Variants in RNMT observed in about 807,000 individuals in gnomAD.
RNMT encodes the protein RNA guanine-7 methyltransferase.
RNMT carries 27 observed loss-of-function variants against 56.0 expected under a neutral mutation model. The observed-to-expected ratio is 0.48, with a 90% CI of 0.36 to 0.67. The LOEUF (loss-of-function observed/expected upper bound fraction) is 0.67. RNMT is among the 30% of genes least tolerant of loss of function. RNMT has a pLI of 0.00. For missense variants in RNMT, 519 were observed against 552.1 expected, an observed-to-expected ratio of 0.94 and a Z score of 0.60; for synonymous variants, 184 against 176.2, an observed-to-expected ratio of 1.04 and a Z score of -0.35.
Position 13,740,296 on chromosome 18 carries a change from T to A in RNMT, c.792+17T>A, listed in dbSNP as rs780333628. 30 of 1,256,920 alleles carry A rather than the reference T, an allele frequency of 2.4e-5. 1 individual carries two copies. Among genetic ancestry groups the A allele is most frequent in the Non-Finnish European group, 3.4e-5 (30 of 875,010 alleles). The allele number at this position is 1,256,920 out of a possible 1,614,324, so 77.9% of individuals were successfully genotyped here. On this transcript the variant is annotated intron_variant, in intron 6 of 11. Coordinates refer to ENST00000383314, the MANE Select transcript of RNMT (RefSeq NM_003799.3). ...AGCTCAAAGGTACAGTTTCTTTCTT[T>A]GGTCAATTTATTTTTTACATTTTTA...
chr18:13,744,317 G>A (rs1286755395), intron 8 of RNMT, among the ~76,000 whole-genome samples: 2 of 151,700 alleles, frequency 1.3e-5, no homozygotes, highest in African/African-American at 4.8e-5. Flanking sequence ...ATGCCTTTTT[G>A]CCATTTCATT....
At chr18:13,746,481 T>C (rs1158820460) in intron 9 of RNMT, 144 bp downstream of exon 9, 1 of 661,324 alleles carries the variant, frequency 1.5e-6, no homozygotes, top group Admixed American at 2.8e-5. Flanking sequence ...ATACAGAAAC[T>C]GCATGGTGAG....
At chr18:13,741,806 C>A in intron 7 of RNMT, 115 bp downstream of exon 7, 1 of 624,006 alleles carries the variant, frequency 1.6e-6, no homozygotes, top group South Asian at 3.1e-5. Context: ...GTGTTGAACA[C>A]TTTCATAAGA....
At chr18:13,750,781 A>G (rs1358828119) in intron 9 of RNMT, among the ~76,000 whole-genome samples, 1 of 151,932 alleles carries the variant, frequency 6.6e-6, no homozygotes, top group African/African-American at 2.4e-5. Flanking sequence ...AGCCTGGGAG[A>G]CAGAGCAAGA....
At chr18:13,745,706 GTACTC>G (rs10592900) in intron 8 of RNMT, among the ~76,000 whole-genome samples, 38,076 of 150,994 alleles carry the variant, frequency 0.25, 5,491 homozygotes, top group Non-Finnish European at 0.34. Flanking sequence ...GCTCTGGACT[GTACTC>G]TACAGAACCT....
At chr18:13,733,678 C>T (rs767301401) in intron 3 of RNMT, among the ~76,000 whole-genome samples, 8 of 152,174 alleles carry the variant, frequency 5.3e-5, no homozygotes, top group Admixed American at 4.6e-4. Flanking sequence ...TCACCCAGGC[C>T]TAATCTCTTT....
rs1285805812 is a variant in RNMT, at chr18:13,762,133, C to T, written c.*2154C>T. Reference sequence around the variant, plus strand: ...CAAGCTCAGTGAAGTGGGGCACTCCCAGACCTGCCATGCAGTTTATCCTCT... The same window carrying T: ...CAAGCTCAGTGAAGTGGGGCACTCCTAGACCTGCCATGCAGTTTATCCTCT... On this transcript the variant is annotated 3_prime_UTR_variant, in exon 12 of 12. Transcript: ENST00000383314. 9.1e-6 allele frequency: 14 copies of T among 1,535,438 alleles called. No homozygotes were observed. The highest frequency in any genetic ancestry group is 1.1e-5 in the Non-Finnish European group (13 of 1,146,636).
intron 11 of RNMT, among the ~76,000 whole-genome samples, chr18:13,758,057 A>G (rs2044571776): frequency 1.3e-5 from 2 of 152,184 alleles, no homozygotes; most frequent in Non-Finnish European, 2.9e-5. Context: ...TCTGAGCAGT[A>G]GGTCTCAACA....
rs1444836890 is a variant in RNMT, at chr18:13,760,801, G to A, written c.*822G>A. The A allele has an allele frequency of 1.0e-6, 1 of 985,300 alleles. No homozygotes were observed. The highest frequency in any genetic ancestry group is 6.1e-5 in the Admixed American group (1 of 16,262). 61.0% of individuals were successfully genotyped at this position (985,300 alleles called of 1,614,324 possible). A position where few individuals can be genotyped will look rare whatever the true frequency, so the allele number is the denominator to read the frequency against. ...TTTTTCCAAATTTATACATGGAACT[G>A]CAGTAGGAATATTCTCACCATCTGA... On this transcript the variant is annotated 3_prime_UTR_variant, in exon 12 of 12. Transcript: ENST00000383314.
intron 5 of RNMT, 77 bp downstream of exon 5, chr18:13,737,212 C>T: frequency 1.5e-6 from 2 of 1,332,346 alleles, no homozygotes; most frequent in Non-Finnish European, 2.1e-6. Context: ...TCTCAAATTG[C>T]AAGATATCTG....
Position 13,742,588 on chromosome 18 carries a change from G to C in RNMT, c.1075G>C (p.Asp359His), listed in dbSNP as rs753160301. Residue 359 changes from aspartate (D) to histidine (H), a missense_variant, in exon 8 of 12, where the codon GAC becomes CAC. By Grantham distance (81) the Asp-to-His change is moderately conservative (BLOSUM62 -1). Coordinates refer to ENST00000383314, the MANE Select transcript of RNMT (RefSeq NM_003799.3). ...TTATCCTTTATTTGGCTGCAAATAT[G>C]ACTTCAACTTGGAAGGTGTTGTGGA... ...GDYPLFGCKY[D>H]FNLEGVVDVP... 2.5e-6 allele frequency: 4 copies of C among 1,613,424 alleles called. No individual in the cohort carries two copies. The Admixed American group carries it at 6.7e-5, about 27-fold the overall frequency.
chr18:13,744,492 T>A (rs1029249311), intron 8 of RNMT, among the ~76,000 whole-genome samples: 2 of 152,184 alleles, frequency 1.3e-5, no homozygotes, highest in Non-Finnish European at 1.5e-5. Flanking sequence ...AAAAACTTGG[T>A]TTCATTTCTA....
chr18:13,728,377 C>T (rs918479263), intron 1 of RNMT, among the ~76,000 whole-genome samples: 3 of 125,744 alleles, frequency 2.4e-5, no homozygotes, highest in Non-Finnish European at 4.6e-5. Flanking sequence ...GCTCTGTCGC[C>T]CAGGCCGGAG....
chr18:13,747,721 C>T (rs1350246017), intron 9 of RNMT, among the ~76,000 whole-genome samples: 3 of 152,166 alleles, frequency 2.0e-5, no homozygotes, highest in African/African-American at 7.2e-5. Context: ...TTTTAAGAGA[C>T]ATAATCAGTA....
At chr18:13,741,733 T>C (rs1441115806) in intron 7 of RNMT, 42 bp downstream of exon 7, 1 of 1,278,306 alleles carries the variant, frequency 7.8e-7, no homozygotes, top group East Asian at 2.4e-5. Flanking sequence ...AAATATTCAG[T>C]ATTAAGTAGC....
At chr18:13,752,209 C>A in intron 9 of RNMT, 117 bp from the exon 10 acceptor site, 1 of 606,086 alleles carries the variant, frequency 1.6e-6, no homozygotes, top group Non-Finnish European at 2.9e-6. Context: ...AGTTTGTATT[C>A]CTGAAGTAGT....
At chr18:13,745,906 T>C (rs8084569) in intron 8 of RNMT, among the ~76,000 whole-genome samples, 9,085 of 152,252 alleles carry the variant, frequency 0.06, 911 homozygotes, top group African/African-American at 0.21. Context: ...AGAGATCAAG[T>C]AAAGTGAAAT....
At chr18:13,758,790 G>A (rs1199024304) in intron 11 of RNMT, among the ~76,000 whole-genome samples, 1 of 152,048 alleles carries the variant, frequency 6.6e-6, no homozygotes, top group African/African-American at 2.4e-5. Context: ...CTTTTTACAT[G>A]CCTTGTTCAC....
chr18:13,757,928 G>A (rs1167818122), intron 11 of RNMT, among the ~76,000 whole-genome samples: 3 of 152,204 alleles, frequency 2.0e-5, no homozygotes, highest in Admixed American at 2.0e-4. Context: ...GCTGCAGAAT[G>A]GATGTTGTAT....
Sources: allele counts gnomAD v4.1 joint callset (sites outside exome capture counted in the v4.1 genomes callset), GRCh38; gene constraint gnomAD v4.1.1; transcripts MANE v1.5; gene names NCBI Gene and HGNC (gene_info 2026-07-23, HGNC 2026-07-21).